Variants in DNAH7 observed in about 807,000 individuals in gnomAD.
DNAH7 encodes axonemal beta dynein heavy chain 7.
Under a neutral mutation model 444.6 loss-of-function variants are expected in DNAH7, and 397 were observed. That is an observed-to-expected ratio of 0.89 (90% confidence interval 0.82 to 0.97). The LOEUF (loss-of-function observed/expected upper bound fraction) is 0.97. Ranked by LOEUF, DNAH7 falls within the 50% of genes least tolerant of loss-of-function variation. DNAH7 has a pLI of 0.00. For synonymous variants in DNAH7, 1,636 were observed against 1,624.4 expected (o/e 1.01, Z -0.17); for missense variants, 4,902 against 4,800.8 (o/e 1.02, Z -0.62).
intron 64 of DNAH7, among the ~76,000 whole-genome samples, chr2:195,738,998 C>G (rs992287599): frequency 6.6e-6 from 1 of 152,174 alleles, no homozygotes; most frequent in Admixed American, 6.5e-5. Flanking sequence ...CAAATACTAA[C>G]TACAATGTAA....
chr2:196,040,581 T>C (rs1407425356), intron 5 of DNAH7, among the ~76,000 whole-genome samples: 2 of 151,962 alleles, frequency 1.3e-5, no homozygotes, highest in African/African-American at 4.8e-5. Flanking sequence ...CACAAAACAA[T>C]AAAGGCCATA....
chr2:195,959,294 A>G (rs1373809445), intron 18 of DNAH7, among the ~76,000 whole-genome samples: 1 of 152,130 alleles, frequency 6.6e-6, no homozygotes, highest in Non-Finnish European at 1.5e-5. Flanking sequence ...TTTGCACAAG[A>G]AGACCTGAAT....
intron 48 of DNAH7, among the ~76,000 whole-genome samples, chr2:195,830,389 G>A (rs1437634961): frequency 2.6e-5 from 4 of 152,106 alleles, no homozygotes; most frequent in African/African-American, 7.2e-5. Flanking sequence ...AAATAATGTG[G>A]TTTTTAAGTT....
Position 195,824,457 on chromosome 2 carries a change from TCAGAA to T in DNAH7, c.9101-17_9101-13del. The T allele has an allele frequency of 6.3e-7, 1 of 1,584,324 alleles. No individual in the cohort carries two copies. Among genetic ancestry groups the T allele is most frequent in the Non-Finnish European group, 8.6e-7 (1 of 1,167,716 alleles). ...ATTTTCTAGCAACACTGGAGTAAAA[TCAGAA>T]AAGATTTCATGTTATTTTAAATATT... On this transcript the variant is annotated splice_polypyrimidine_tract_variant and intron_variant, in intron 48 of 64. Transcript: ENST00000312428.
intron 59 of DNAH7, among the ~76,000 whole-genome samples, chr2:195,776,269 C>G (rs1559087563): frequency 6.6e-6 from 1 of 151,996 alleles, no homozygotes; most frequent in Non-Finnish European, 1.5e-5. Context: ...CATGGAGAAA[C>G]CCCGTCTCTC....
chr2:195,818,176 T>A (rs1697308169), intron 49 of DNAH7, among the ~76,000 whole-genome samples: 1 of 152,222 alleles, frequency 6.6e-6, no homozygotes, highest in South Asian at 2.1e-4. Flanking sequence ...CAGAGCATGG[T>A]ATAATATATG....
In DNAH7 at chr2:195,969,933, AT is replaced by A. The variant is rs757071506; in HGVS notation, c.2205+14del. 6.3e-7 allele frequency: 1 copy of A among 1,591,898 alleles called. No homozygotes were observed. The highest frequency in any genetic ancestry group is 1.2e-5 in the South Asian group (1 of 85,596). ...ATTGAACTAATTCATCTTTTTAAGA[AT>A]TTTTGAATTATACCTTATCTGCAGC... On this transcript the variant is annotated intron_variant, in intron 17 of 64. Transcript: ENST00000312428.
At chr2:195,975,697 G>A (rs956587644) in intron 15 of DNAH7, among the ~76,000 whole-genome samples, 4 of 152,162 alleles carry the variant, frequency 2.6e-5, no homozygotes, top group African/African-American at 9.7e-5. Flanking sequence ...AGAGTAAAGA[G>A]GACTTTGCAA....
chr2:196,013,263 T>C (rs1013569830), intron 9 of DNAH7, among the ~76,000 whole-genome samples: 4 of 152,060 alleles, frequency 2.6e-5, no homozygotes, highest in South Asian at 2.1e-4. Flanking sequence ...AAAGAAAAAA[T>C]TGCAGCCTCT....
rs531473425 is a variant in DNAH7, at chr2:196,038,754, T to C, written c.398+8598A>G. Among the ~76,000 whole-genome samples, 20 of 152,106 alleles carry C rather than the reference T, an allele frequency of 1.3e-4. No individual in the cohort carries two copies. In the South Asian group the frequency reaches 3.9e-3, roughly 30 times the overall value. On this transcript the variant is annotated intron_variant, in intron 5 of 64. Coordinates refer to ENST00000312428, the MANE Select transcript of DNAH7 (RefSeq NM_018897.3). ...GTAACTATACTTCTATCAGACAAAA[T>C]AGACTTTAAGTAAAAAAACATAAAA...
chr2:195,903,714 A>G (rs1686842837), intron 27 of DNAH7: 1 of 152,164 alleles, frequency 6.6e-6, no homozygotes, highest in Admixed American at 6.5e-5. Context: ...TCTGCAAAGG[A>G]AATGTCTACA....
At position 196,051,265 on chromosome 2, in the gene DNAH7, GA is replaced by G. The variant is rs1047112777; in HGVS notation, c.79-17del. 1.4e-5 allele frequency: 23 copies of G among 1,608,542 alleles called. No individual in the cohort carries two copies. The African/African-American group carries it at 1.7e-4, about 12-fold the overall frequency. On this transcript the variant is annotated splice_polypyrimidine_tract_variant and intron_variant, in intron 2 of 64. Coordinates refer to ENST00000312428, the MANE Select transcript of DNAH7 (RefSeq NM_018897.3). ...CTAATTTCTCCTGTGTGAAAAATAT[GA>G]AGGGGAAAAAAGTGTTTACTCTGTT...
At chr2:195,831,231 T>C (rs1422803046) in intron 48 of DNAH7, among the ~76,000 whole-genome samples, 1 of 152,256 alleles carries the variant, frequency 6.6e-6, no homozygotes, top group Non-Finnish European at 1.5e-5. Flanking sequence ...AATACAGATG[T>C]ACCTTTATTT....
At position 195,906,900 on chromosome 2, in the gene DNAH7, C is replaced by CCA; in HGVS notation, c.4207+5_4207+6dup. ...TCACATAATGCAAAGACAAACTAGT[C>CCA]CATTACCTCTTTGGATAGTAAGGAT... On this transcript the variant is annotated splice_region_variant and intron_variant, in intron 26 of 64. Coordinates refer to ENST00000312428, the MANE Select transcript of DNAH7 (RefSeq NM_018897.3). 1 of 1,612,068 alleles carries CCA rather than the reference C, an allele frequency of 6.2e-7. No homozygotes were observed.
intron 17 of DNAH7, among the ~76,000 whole-genome samples, chr2:195,966,928 T>C (rs538290433): frequency 6.6e-6 from 1 of 152,156 alleles, no homozygotes; most frequent in African/African-American, 2.4e-5. Context: ...ATCTTTTGAT[T>C]AGAGAAGTTA....
At chr2:195,994,510 C>T (rs565186217) in intron 12 of DNAH7, 91 of 486,376 alleles carry the variant, frequency 1.9e-4, no homozygotes, top group Middle Eastern at 1.7e-3. Context: ...GAATCCAAGT[C>T]GTTGGAATTG....
chr2:195,822,905 T>A (rs1167151784), intron 49 of DNAH7, among the ~76,000 whole-genome samples: 2 of 152,250 alleles, frequency 1.3e-5, no homozygotes, highest in African/African-American at 4.8e-5. Flanking sequence ...ATATTGCTAA[T>A]AAGTAACACT....
intron 15 of DNAH7, among the ~76,000 whole-genome samples, chr2:195,984,419 C>T (rs1692774464): frequency 6.6e-6 from 1 of 152,128 alleles, no homozygotes; most frequent in East Asian, 1.9e-4. Context: ...GCAATCTCGA[C>T]TCATTGCAAC....
At chr2:195,956,264 A>G (rs1276904713) in intron 19 of DNAH7, among the ~76,000 whole-genome samples, 1 of 152,016 alleles carries the variant, frequency 6.6e-6, no homozygotes, top group Non-Finnish European at 1.5e-5. Context: ...CAAAATACCA[A>G]TGCAGAAGTT....
Sources: gnomAD v4.1 joint callset for allele counts (sites outside exome capture counted in the v4.1 genomes callset) on GRCh38, gnomAD v4.1.1 for gene constraint, MANE v1.5 for transcripts, NCBI Gene and HGNC (gene_info 2026-07-23, HGNC 2026-07-21) for gene names.